The following C2orf80 variants were observed in gnomAD, a reference collection of about 807,000 sequenced individuals.
The protein encoded by C2orf80 is uncharacterized protein C2orf80.
In C2orf80, 28 loss-of-function variants were observed where a neutral mutation model predicts 30.2. The ratio of observed to expected loss-of-function variants is 0.93; its 90% CI spans 0.69 to 1.27. The LOEUF is 1.27. C2orf80 is among the 50% of genes most tolerant of loss of function. The probability of loss-of-function intolerance (pLI) is 0.00; values close to 1 mark genes in which losing one functional copy is unlikely to be tolerated. For synonymous variants in C2orf80, 80 were observed against 76.4 expected, an observed-to-expected ratio of 1.05 and a Z score of -0.24; for missense variants, 220 against 231.0, an observed-to-expected ratio of 0.95 and a Z score of 0.31.
intron 8 of C2orf80, among the ~76,000 whole-genome samples, chr2:208,170,346 A>G (rs1172127838): frequency 1.3e-5 from 2 of 152,200 alleles, no homozygotes; most frequent in Non-Finnish European, 2.9e-5. Flanking sequence ...CAGAGCTGGA[A>G]GAACAAAGAG....
chr2:208,171,327 T>C (rs905994479), intron 7 of C2orf80, among the ~76,000 whole-genome samples: 15 of 151,944 alleles, frequency 9.9e-5, no homozygotes, highest in African/African-American at 3.6e-4. Context: ...TTTATTTATT[T>C]ATTTATTTTT....
intron 6 of C2orf80, among the ~76,000 whole-genome samples, chr2:208,177,018 C>CTGT (rs1696371176): frequency 2.9e-5 from 1 of 34,434 alleles, no homozygotes; most frequent in African/African-American, 1.1e-4. Context: ...TATACAGATA[C>CTGT]ATATATACAG....
At chr2:208,172,109 T>C (rs1696121083) in intron 6 of C2orf80, 34 bp from the exon 7 acceptor site, 5 of 1,528,048 alleles carry the variant, frequency 3.3e-6, no homozygotes, top group Non-Finnish European at 3.6e-6. Flanking sequence ...TTAAAATCTG[T>C]CCATCATCTG....
rs74769523 is a variant in C2orf80, at chr2:208,183,086, A to G, written c.124-39T>C. On this transcript the variant is annotated intron_variant, in intron 3 of 8. Transcript: ENST00000341287. ...GCACAGAGAGCAAAGAAACAGGCTT[A>G]GACATTGGCCGAAGTACTCCCTGGA... 14,470 of 1,563,504 alleles carry G rather than the reference A, an allele frequency of 9.3e-3. 108 individuals carry two copies. The highest frequency in any genetic ancestry group is 0.011 in the Non-Finnish European group (11,968 of 1,133,820).
intron 1 of C2orf80, among the ~76,000 whole-genome samples, chr2:208,189,197 T>G (rs1428718789): frequency 2.0e-5 from 3 of 152,228 alleles, no homozygotes; most frequent in Admixed American, 1.3e-4. Context: ...TAAGGCACAG[T>G]TAGCATGTGC....
At chr2:208,166,631 T>C (rs530332378) in intron 8 of C2orf80, among the ~76,000 whole-genome samples, 30 of 152,276 alleles carry the variant, frequency 2.0e-4, no homozygotes, top group African/African-American at 6.0e-4. Flanking sequence ...AGAGCGATTA[T>C]ATTATTGCTT....
In C2orf80 at chr2:208,165,519, A is replaced by G; in HGVS notation, c.*288T>C. On this transcript the variant is annotated 3_prime_UTR_variant, in exon 9 of 9. Transcript: ENST00000341287. The stretch of plus-strand genomic sequence containing the variant: ...CACACATTTGTAAAATGTGCTACAA[A>G]GCCAGCTTGCTCTAACACAGAAATA... The G allele has an allele frequency of 3.1e-6, 1 of 318,768 alleles. No individual in the cohort carries two copies. The allele number at this position is 318,768 out of a possible 1,614,324, so 19.7% of individuals were successfully genotyped here.
rs772887382 is a variant in C2orf80, at chr2:208,185,006, C to T, written c.68G>A (p.Arg23Gln). ...LLGDYIGIRL[R>Q]ENEFDPKGRR... ...TCCTTTTGGGTCAAATTCATTTTCC[C>T]GAAGTCTGATGCCAATATAATCTCC... The change falls in exon 3 of 9, where the codon CGG (arginine) becomes CAG (glutamine). Residue 23 changes from arginine (R) to glutamine (Q), a missense_variant. Transcript: ENST00000341287. 2.6e-5 allele frequency: 42 copies of T among 1,613,566 alleles called. No homozygotes were observed. Among genetic ancestry groups the T allele is most frequent in the Middle Eastern group, 1.6e-4 (1 of 6,084 alleles).
chr2:208,176,953 C>G (rs201913467), intron 6 of C2orf80, among the ~76,000 whole-genome samples: 182 of 5,092 alleles, frequency 0.036, 10 homozygotes, highest in East Asian at 0.27. Flanking sequence ...GTATACATAT[C>G]TGTATACATA....
chr2:208,167,851 T>A (rs553635470), intron 8 of C2orf80, among the ~76,000 whole-genome samples: 1 of 150,510 alleles, frequency 6.6e-6, no homozygotes, highest in Non-Finnish European at 1.5e-5. Context: ...GCTGGAATTA[T>A]AGGCATGAGC....
chr2:208,183,048 C>T lies in C2orf80; in HGVS notation c.124-1G>A, dbSNP rs1288488683. On this transcript the variant is annotated splice_acceptor_variant, in intron 3 of 8. Coordinates refer to ENST00000341287, the MANE Select transcript of C2orf80 (RefSeq NM_001099334.3). LOFTEE classifies it high-confidence loss of function. ...CACTGATGGCCAAGTCATAGTGTGC[C>T]TGGGAGCAGGAAGCACAGAGAGCAA... The T allele has an allele frequency of 1.2e-6, 2 of 1,613,752 alleles. No individual in the cohort carries two copies. Among genetic ancestry groups the T allele is most frequent in the Admixed American group, 3.3e-5 (2 of 60,018 alleles).
rs1192981432 is a variant in C2orf80 at position 208,180,814 on chromosome 2, G to A, written c.297C>T (p.Asn99=). 1 of 1,612,354 alleles carries A rather than the reference G, an allele frequency of 6.2e-7. No individual in the cohort carries two copies. Among genetic ancestry groups the A allele is most frequent in the East Asian group, 2.2e-5 (1 of 44,820 alleles). Residue 99 remains asparagine (N), a splice_region_variant and synonymous_variant, in exon 6 of 9, where the codon AAC becomes AAT. Transcript: ENST00000341287. ...ILSSYAGILM[N]SIPIEEVFKI... ...TAAAGACTTCCTCAATCGGGATACT[G>A]TTCTGTTAAACAACAACAGCAATAA...
chr2:208,178,137 A>G (rs1225024523), intron 6 of C2orf80, among the ~76,000 whole-genome samples: 1 of 151,962 alleles, frequency 6.6e-6, no homozygotes, highest in Admixed American at 6.6e-5. Flanking sequence ...CTTTAAATGA[A>G]CCTGATTTAT....
At chr2:208,189,592 G>T (rs1195565175) in intron 1 of C2orf80, among the ~76,000 whole-genome samples, 6 of 152,174 alleles carry the variant, frequency 3.9e-5, no homozygotes, top group Non-Finnish European at 8.8e-5. Context: ...AGCTACGCCT[G>T]GTCTAAAGAA....
At chr2:208,189,131 T>A (rs1696804619) in intron 1 of C2orf80, among the ~76,000 whole-genome samples, 1 of 152,244 alleles carries the variant, frequency 6.6e-6, no homozygotes, top group Admixed American at 6.5e-5. Context: ...ATTCAATAGT[T>A]TGGAAAAACA....
At chr2:208,184,878 A>G (rs1696667341) in intron 3 of C2orf80, 73 bp downstream of exon 3, 2 of 1,264,242 alleles carry the variant, frequency 1.6e-6, no homozygotes, top group African/African-American at 1.5e-5. Context: ...TATTGTATAA[A>G]TAAGATCCTT....
chr2:208,174,772 A>T (rs1305255042), intron 6 of C2orf80, among the ~76,000 whole-genome samples: 2 of 152,240 alleles, frequency 1.3e-5, no homozygotes, highest in Non-Finnish European at 2.9e-5. Context: ...AATGATAGCC[A>T]GTCAGACGCC....
At chr2:208,177,106 TAATC>T (rs1696377846) in intron 6 of C2orf80, among the ~76,000 whole-genome samples, 1 of 117,844 alleles carries the variant, frequency 8.5e-6, no homozygotes, top group African/African-American at 3.8e-5. Flanking sequence ...AGTAGTATAG[TAATC>T]AATGGCTCGA....
At chr2:208,174,706 T>C (rs756573019) in intron 6 of C2orf80, among the ~76,000 whole-genome samples, 5 of 152,208 alleles carry the variant, frequency 3.3e-5, no homozygotes, top group Non-Finnish European at 5.9e-5. Context: ...GGACTGGACA[T>C]CAGTCTGTTT....
Sources: gnomAD v4.1 joint callset for allele counts (sites outside exome capture counted in the v4.1 genomes callset) on GRCh38, gnomAD v4.1.1 for gene constraint, MANE v1.5 for transcripts, NCBI Gene and HGNC (gene_info 2026-07-23, HGNC 2026-07-21) for gene names.